Variants in EYS observed in about 807,000 individuals in gnomAD.
EYS encodes the protein protein eyes shut homolog.
Under a neutral mutation model 282.1 loss-of-function variants are expected in EYS, and 250 were observed. The ratio of observed to expected loss-of-function variants is 0.89; its 90% CI spans 0.80 to 0.98. The LOEUF is 0.98. EYS is among the 50% of genes least tolerant of loss of function. The pLI is 0.00. For missense variants in EYS, 4,016 were observed against 3,709.0 expected, an observed-to-expected ratio of 1.08 and a Z score of -2.15; for synonymous variants, 1,355 against 1,282.9, an observed-to-expected ratio of 1.06 and a Z score of -1.20.
At chr6:65,116,945 A>C (rs1181644234) in intron 12 of EYS, among the ~76,000 whole-genome samples, 1 of 152,126 alleles carries the variant, frequency 6.6e-6, no homozygotes, top group Non-Finnish European at 1.5e-5. Flanking sequence ...TGGGCATTTC[A>C]AGCCCTTATC....
At chr6:64,684,279 TA>T (rs1770007537) in intron 22 of EYS, among the ~76,000 whole-genome samples, 1 of 152,110 alleles carries the variant, frequency 6.6e-6, no homozygotes, top group African/African-American at 2.4e-5. Flanking sequence ...AACAGAAATA[TA>T]AAACCTGTCA....
rs537457700 is a variant in EYS, at chr6:64,754,575, C to A, written c.3443+58803G>T. ...CCAATATCACTGATTAATATAGATA[C>A]AAAAATCTTCAATAAAATGCTAGTA... On this transcript the variant is annotated intron_variant, in intron 22 of 42. Transcript: ENST00000503581. 7.5e-4 allele frequency among the ~76,000 whole-genome samples: 114 copies of A among 152,080 alleles called. 1 individual carries two copies. The highest frequency in any genetic ancestry group is 2.6e-3 in the African/African-American group (108 of 41,536).
chr6:64,726,547 T>C (rs144006290), intron 22 of EYS, among the ~76,000 whole-genome samples: 1 of 152,206 alleles, frequency 6.6e-6, no homozygotes, highest in East Asian at 1.9e-4. Flanking sequence ...TCTACCAAAA[T>C]GTTCAGATAG....
chr6:64,318,441 T>C (rs1424469235), intron 29 of EYS, among the ~76,000 whole-genome samples: 1 of 152,018 alleles, frequency 6.6e-6, no homozygotes, highest in East Asian at 1.9e-4. Flanking sequence ...GATGTGATAA[T>C]ATAGACTGCT....
intron 33 of EYS, among the ~76,000 whole-genome samples, chr6:64,056,099 C>T (rs1474960358): frequency 2.0e-5 from 3 of 152,172 alleles, no homozygotes; most frequent in African/African-American, 7.2e-5. Flanking sequence ...GCCTCTGGTG[C>T]AACTACTTTG....
intron 15 of EYS, among the ~76,000 whole-genome samples, chr6:64,928,118 A>T (rs1768578653): frequency 6.6e-6 from 1 of 152,090 alleles, no homozygotes; most frequent in Non-Finnish European, 1.5e-5. Context: ...TCACAATAAA[A>T]AATGTCCAAA....
intron 39 of EYS, among the ~76,000 whole-genome samples, chr6:63,784,642 C>A (rs943461364): frequency 2.6e-5 from 4 of 151,984 alleles, no homozygotes; most frequent in Admixed American, 2.6e-4. Flanking sequence ...ACAACCAGAT[C>A]TCATGAGAAC....
chr6:64,066,507 A>T lies in EYS; in HGVS notation c.6572-16T>A. On this transcript the variant is annotated splice_polypyrimidine_tract_variant and intron_variant, in intron 32 of 42. Transcript: ENST00000503581. ...TTCCCATTACCTTTAAGAAAAAAAGAATATATTAGTAATTATTGTAGATTT... is the reference window on the plus strand; with the variant it reads ...TTCCCATTACCTTTAAGAAAAAAAGTATATATTAGTAATTATTGTAGATTT... 1 of 1,410,382 alleles carries T rather than the reference A, an allele frequency of 7.1e-7. No individual in the cohort carries two copies. The highest frequency in any genetic ancestry group is 1.4e-5 in the African/African-American group (1 of 69,606). The allele number at this position is 1,410,382 out of a possible 1,614,324, so 87.4% of individuals were successfully genotyped here.
chr6:65,629,907 C>G (rs1766853686), intron 2 of EYS, among the ~76,000 whole-genome samples: 1 of 152,104 alleles, frequency 6.6e-6, no homozygotes, highest in South Asian at 2.1e-4. Flanking sequence ...ATAAAAAAAT[C>G]CTGCACAGCC....
chr6:64,271,482 T>C (rs955929828), intron 30 of EYS, among the ~76,000 whole-genome samples: 1 of 152,166 alleles, frequency 6.6e-6, no homozygotes, highest in Non-Finnish European at 1.5e-5. Context: ...TTAAATTTAC[T>C]GATTTTAAAA....
intron 1 of EYS, among the ~76,000 whole-genome samples, chr6:65,655,312 A>G (rs1030918677): frequency 6.6e-6 from 1 of 151,740 alleles, no homozygotes; most frequent in African/African-American, 2.4e-5. Flanking sequence ...TCTAAAGAAT[A>G]TAGTATGAAA....
rs796808032 is a variant in EYS at position 64,151,362 on chromosome 6, T to A, written c.6425-69360A>T. 3.0e-4 allele frequency among the ~76,000 whole-genome samples: 33 copies of A among 108,814 alleles called. No individual in the cohort carries two copies. In the East Asian group the frequency reaches 5.6e-3, roughly 18 times the overall value. The allele number at this position is 108,814 out of a possible 152,430, so 71.4% of individuals were successfully genotyped here. Reference sequence around the variant, plus strand: ...ATATATATATATATATATATATATATAATTTTTTTTTTCTTTTGAGATGGA... The same window carrying A: ...ATATATATATATATATATATATATAAAATTTTTTTTTTCTTTTGAGATGGA... On this transcript the variant is annotated intron_variant, in intron 31 of 42. Coordinates refer to ENST00000503581, the MANE Select transcript of EYS (RefSeq NM_001142800.2).
intron 7 of EYS, among the ~76,000 whole-genome samples, chr6:65,393,288 A>AT (rs1766130944): frequency 6.6e-6 from 1 of 152,168 alleles, no homozygotes. Context: ...TAACCTGTAC[A>AT]TTGTGCACAT....
chr6:64,970,671 C>T (rs944313622), intron 14 of EYS, among the ~76,000 whole-genome samples: 5 of 152,168 alleles, frequency 3.3e-5, no homozygotes, highest in Non-Finnish European at 7.3e-5. Flanking sequence ...GATTTTTCTT[C>T]CTGTTTAGTA....
chr6:64,779,045 T>C lies in EYS; in HGVS notation c.3443+34333A>G, dbSNP rs151161117. The stretch of plus-strand genomic sequence containing the variant: ...GAACTCCCAATCATTTCTGGTGAAA[T>C]TGCAAAAATGATACAACCACTTTGA... On this transcript the variant is annotated intron_variant, in intron 22 of 42. Coordinates refer to ENST00000503581, the MANE Select transcript of EYS (RefSeq NM_001142800.2). 4.2e-4 allele frequency among the ~76,000 whole-genome samples: 64 copies of C among 152,168 alleles called. No individual in the cohort carries two copies. The East Asian group carries it at 0.012, about 28-fold the overall frequency.
rs939237345 is a variant in EYS, at chr6:64,066,047, A to C, written c.6725+291T>G. ...GGTAGGCCTAGGAGGATGAATCATG[A>C]GGTCAGGAGTTTGAGACCAGCCTGG... On this transcript the variant is annotated intron_variant, in intron 33 of 42. Coordinates refer to ENST00000503581, the MANE Select transcript of EYS (RefSeq NM_001142800.2). Among the ~76,000 whole-genome samples, 3 of 152,214 alleles carry C rather than the reference A, an allele frequency of 2.0e-5. No individual in the cohort carries two copies. The South Asian group carries it at 6.2e-4, about 32-fold the overall frequency.
chr6:63,821,050 G>A (rs146334289), intron 36 of EYS, among the ~76,000 whole-genome samples: 50 of 152,062 alleles, frequency 3.3e-4, no homozygotes, highest in Middle Eastern at 6.8e-3. Context: ...ATTATATTAT[G>A]AATTATATCT....
At chr6:64,738,321 T>C (rs370945680) in intron 22 of EYS, among the ~76,000 whole-genome samples, 1 of 152,182 alleles carries the variant, frequency 6.6e-6, no homozygotes, top group African/African-American at 2.4e-5. Context: ...AAGAGGCTGG[T>C]ACATTTCTTG....
intron 12 of EYS, among the ~76,000 whole-genome samples, chr6:65,220,649 C>T (rs1051849245): frequency 6.6e-6 from 1 of 152,002 alleles, no homozygotes; most frequent in Non-Finnish European, 1.5e-5. Flanking sequence ...AAATTGGCAC[C>T]AGTAGAGTGG....
Sources: allele counts gnomAD v4.1 joint callset (sites outside exome capture counted in the v4.1 genomes callset), GRCh38; gene constraint gnomAD v4.1.1; transcripts MANE v1.5; gene names NCBI Gene and HGNC (gene_info 2026-07-23, HGNC 2026-07-21).